Variants in CA12 observed in about 807,000 individuals in gnomAD.
CA12 encodes the protein carbonic anhydrase 12.
In CA12, 36 loss-of-function variants were observed where a neutral mutation model predicts 46.8. That is an observed-to-expected ratio of 0.77 (90% confidence interval 0.59 to 1.02). CA12 has a LOEUF of 1.02. CA12 is among the 50% of genes least tolerant of loss of function. CA12 has a pLI of 0.00. For missense variants in CA12, 436 were observed against 451.4 expected (o/e 0.97, Z 0.31); for synonymous variants, 202 against 187.0 (o/e 1.08, Z -0.65).
chr15:63,367,276 G>A (rs1405658918), intron 2 of CA12, among the ~76,000 whole-genome samples: 2 of 152,182 alleles, frequency 1.3e-5, no homozygotes, highest in East Asian at 3.8e-4. Flanking sequence ...GCTCAAGTTG[G>A]AGACATCAAT....
rs140957102 is a variant in CA12, at chr15:63,354,913, G to A, written c.107-8204C>T. On this transcript the variant is annotated intron_variant, in intron 2 of 10. Coordinates refer to ENST00000178638, the MANE Select transcript of CA12 (RefSeq NM_001218.5). ...AATATTGCTGGGTGGGGGATGAGGC[G>A]GGGACAAAAAGGCTCCGCAGTCATT... Among the ~76,000 whole-genome samples, 979 of 152,224 alleles carry A rather than the reference G, an allele frequency of 6.4e-3. 14 individuals carry two copies. Among genetic ancestry groups the A allele is most frequent in the African/African-American group, 0.022 (929 of 41,522 alleles).
At position 63,340,965 on chromosome 15, in the gene CA12, C is replaced by G. The variant is rs74369730; in HGVS notation, c.526-182G>C. ...GGGAGTTAGTGTAATGGTCCTGCCT[C>G]TTGCATCTCAGGACGTCCTGTTTTC... is the stretch of plus-strand genomic sequence containing the variant. On this transcript the variant is annotated intron_variant, in intron 5 of 10. Transcript: ENST00000178638. The surrounding 1 kb of genome is among the most constrained non-coding windows in gnomAD (Gnocchi z 4.4). Among the ~76,000 whole-genome samples the G allele has an allele frequency of 6.0e-3, 908 of 152,312 alleles. 4 individuals are homozygous for G. Among genetic ancestry groups the G allele is most frequent in the Non-Finnish European group, 0.011 (741 of 68,024 alleles).
At chr15:63,375,979 T>C (rs2039566172) in intron 1 of CA12, among the ~76,000 whole-genome samples, 1 of 150,140 alleles carries the variant, frequency 6.7e-6, no homozygotes, top group East Asian at 1.9e-4. Context: ...CTGGTTAATT[T>C]TGTATTTTTA....
rs1371819083 is a variant in CA12, at chr15:63,373,996, A to C, written c.106+1662T>G. Among the ~76,000 whole-genome samples the C allele has an allele frequency of 6.6e-6, 1 of 152,092 alleles. No individual in the cohort carries two copies. Among genetic ancestry groups the C allele is most frequent in the Non-Finnish European group, 1.5e-5 (1 of 68,008 alleles). Reference sequence around the variant, plus strand: ...CTGCCACCACTGTAAACTGGATGTGAAGACACGGAACGGGGTTTCTCCACA... The same window carrying C: ...CTGCCACCACTGTAAACTGGATGTGCAGACACGGAACGGGGTTTCTCCACA... On this transcript the variant is annotated intron_variant, in intron 2 of 10. Coordinates refer to ENST00000178638, the MANE Select transcript of CA12 (RefSeq NM_001218.5). This position sits in a 1 kb window ranked among gnomAD's most constrained non-coding sequence, Gnocchi z 4.9.
At position 63,327,056 on chromosome 15, in the gene CA12, C is replaced by T. The variant is rs532893921; in HGVS notation, c.992+93G>A. ...GGGTAAGTGGTGGTCCAGGTGACTG[C>T]GGCTCTTCATGCCACAAAGCTGCCT... On this transcript the variant is annotated intron_variant, in intron 10 of 10. Coordinates refer to ENST00000178638, the MANE Select transcript of CA12 (RefSeq NM_001218.5). The surrounding 1 kb of genome is among the most constrained non-coding windows in gnomAD (Gnocchi z 4.5). 1.5e-5 allele frequency: 17 copies of T among 1,132,308 alleles called. No homozygotes were observed. The highest frequency in any genetic ancestry group is 4.9e-5 in the East Asian group (2 of 41,190). The allele number at this position is 1,132,308 out of a possible 1,614,324, so 70.1% of individuals were successfully genotyped here. A position where few individuals can be genotyped will look rare whatever the true frequency, so the allele number is the denominator to read the frequency against.
Position 63,355,677 on chromosome 15 carries a change from C to G in CA12, c.107-8968G>C, listed in dbSNP as rs1229092036. Among the ~76,000 whole-genome samples, 3 of 152,218 alleles carry G rather than the reference C, an allele frequency of 2.0e-5. No homozygotes were observed. Among genetic ancestry groups the G allele is most frequent in the Non-Finnish European group, 4.4e-5 (3 of 68,036 alleles). ...AACTAAGCAACAAACAACAGCAAAC[C>G]ACTAAGTTAAACAAACTGCTGACAT... On this transcript the variant is annotated intron_variant, in intron 2 of 10. Transcript: ENST00000178638. This position sits in a 1 kb window ranked among gnomAD's most constrained non-coding sequence, Gnocchi z 4.1.
At chr15:63,364,981 C>T (rs2039420195) in intron 2 of CA12, among the ~76,000 whole-genome samples, 3 of 152,338 alleles carry the variant, frequency 2.0e-5, no homozygotes, top group African/African-American at 7.2e-5. Flanking sequence ...CAGGGTCTCT[C>T]TCTGTTGCTG....
At chr15:63,351,772 A>G (rs149718475) in intron 2 of CA12, among the ~76,000 whole-genome samples, 97 of 152,294 alleles carry the variant, frequency 6.4e-4, no homozygotes, top group African/African-American at 2.3e-3. Flanking sequence ...CGGGTTGTGC[A>G]CACTAGCAAG....
chr15:63,378,829 T>TC lies in CA12; in HGVS notation c.85+2806dup, dbSNP rs2039609223. On this transcript the variant is annotated intron_variant, in intron 1 of 10. Transcript: ENST00000178638. This position sits in a 1 kb window ranked among gnomAD's most constrained non-coding sequence, Gnocchi z 4.8. ...TAACAGAGGAGTTCACCCTTACTTT[T>TC]CCCCTGAGGAGGCACAGGCCACTCC... 1 of 152,186 alleles carries TC rather than the reference T, an allele frequency of 6.6e-6. No individual in the cohort carries two copies. The highest frequency in any genetic ancestry group is 6.5e-5 in the Admixed American group (1 of 15,268). 9.4% of individuals were successfully genotyped at this position (152,186 alleles called of 1,614,324 possible).
Position 63,351,677 on chromosome 15 carries a change from C to T in CA12, c.107-4968G>A, listed in dbSNP as rs565338958. 2.6e-5 allele frequency among the ~76,000 whole-genome samples: 4 copies of T among 152,322 alleles called. No individual in the cohort carries two copies. In the South Asian group the frequency reaches 8.3e-4, roughly 32 times the overall value. ...TCCTCTGCACCTTTCCAAATTTCGTCCACTCTTCAAAGTCCAGCTCAGGTC... is the reference window on the plus strand; with the variant it reads ...TCCTCTGCACCTTTCCAAATTTCGTTCACTCTTCAAAGTCCAGCTCAGGTC... On this transcript the variant is annotated intron_variant, in intron 2 of 10. Transcript: ENST00000178638.
chr15:63,349,591 C>T (rs372591379), intron 2 of CA12, among the ~76,000 whole-genome samples: 1 of 152,128 alleles, frequency 6.6e-6, no homozygotes, highest in African/African-American at 2.4e-5. Flanking sequence ...TATAACCTTA[C>T]GGGGTAAGCA....
chr15:63,361,962 A>G (rs1426754782), intron 2 of CA12, among the ~76,000 whole-genome samples: 1 of 152,234 alleles, frequency 6.6e-6, no homozygotes, highest in Non-Finnish European at 1.5e-5. Flanking sequence ...TTCTTTGTTT[A>G]AGCTACCATT....
At chr15:63,370,380 G>A (rs1212934673) in intron 2 of CA12, among the ~76,000 whole-genome samples, 1 of 151,488 alleles carries the variant, frequency 6.6e-6, no homozygotes, top group Non-Finnish European at 1.5e-5. Flanking sequence ...CCCAGGTGAT[G>A]GAGGCTGCAG....
At chr15:63,360,473 G>A (rs982594018) in intron 2 of CA12, among the ~76,000 whole-genome samples, 3 of 152,180 alleles carry the variant, frequency 2.0e-5, no homozygotes, top group African/African-American at 7.2e-5. Context: ...AACAAAACCT[G>A]TCTAGTGTCT....
At chr15:63,349,501 G>A (rs2039197955) in intron 2 of CA12, among the ~76,000 whole-genome samples, 1 of 152,162 alleles carries the variant, frequency 6.6e-6, no homozygotes, top group Non-Finnish European at 1.5e-5. Flanking sequence ...AGGTCAGCAA[G>A]GTCAAGAAAG....
In CA12 at chr15:63,340,016, C is replaced by A. The variant is rs530305247; in HGVS notation, c.747+272G>T. The stretch of plus-strand genomic sequence containing the variant: ...TCTCCTGCCTGGGAAGTGAATACCA[C>A]CCAGCCACTGAGGATATATTAGCAA... On this transcript the variant is annotated intron_variant, in intron 7 of 10. Transcript: ENST00000178638. The surrounding 1 kb of genome is among the most constrained non-coding windows in gnomAD (Gnocchi z 4.4). 6 of 460,934 alleles carry A rather than the reference C, an allele frequency of 1.3e-5. No individual in the cohort carries two copies. Among genetic ancestry groups the A allele is most frequent in the Non-Finnish European group, 2.4e-5 (6 of 250,832 alleles). 28.6% of individuals were successfully genotyped at this position (460,934 alleles called of 1,614,324 possible).
intron 2 of CA12, among the ~76,000 whole-genome samples, chr15:63,364,659 C>T (rs141438701): frequency 0.013 from 2,038 of 152,326 alleles, 17 homozygotes; most frequent in Middle Eastern, 0.048. Context: ...CACTGAATCA[C>T]GGCTTGCTGC....
Position 63,342,027 on chromosome 15 carries a change from A to C in CA12, c.500T>G (p.Leu167Arg). ...ASTASNKSEG[L>R]AVLAVLIEMG... is the part of the protein sequence containing the mutation. ...CTCAATGAGAACAGCCAGGACAGCG[A>C]GGCCTTCTGACTTGTTGCTGGCAGT... The change falls in exon 5 of 11, where the codon CTC (leucine) becomes CGC (arginine). Residue 167 changes from leucine (L) to arginine (R), a missense_variant. Leu to Arg is a moderately radical substitution (Grantham distance 102). Transcript: ENST00000178638. 1 of 1,613,766 alleles carries C rather than the reference A, an allele frequency of 6.2e-7. No individual in the cohort carries two copies. Among genetic ancestry groups the C allele is most frequent in the Non-Finnish European group, 8.5e-7 (1 of 1,179,650 alleles).
At chr15:63,326,638 C>T (rs542297253) in intron 10 of CA12, among the ~76,000 whole-genome samples, 21 of 152,192 alleles carry the variant, frequency 1.4e-4, no homozygotes, top group African/African-American at 4.3e-4. Flanking sequence ...CCTCTGATTC[C>T]ATAACAGGGT....
Sources: allele counts gnomAD v4.1 joint callset (sites outside exome capture counted in the v4.1 genomes callset), GRCh38; gene constraint gnomAD v4.1.1; non-coding constraint Gnocchi (gnomAD v3.1); transcripts MANE v1.5; gene names NCBI Gene and HGNC (gene_info 2026-07-23, HGNC 2026-07-21).